NOP14: variants seen among roughly 807,000 people sequenced by gnomAD.
The protein encoded by NOP14 is NOP14 nucleolar protein.
In NOP14, 57 loss-of-function variants were observed where a neutral mutation model predicts 101.6. That is an observed-to-expected ratio of 0.56 (90% confidence interval 0.45 to 0.70). The LOEUF is 0.70. Ranked by LOEUF, NOP14 falls within the 30% of genes least tolerant of loss-of-function variation. NOP14 has a pLI of 0.00. For missense variants in NOP14, 1,134 were observed against 1,075.5 expected (o/e 1.05, Z -0.76); for synonymous variants, 428 against 424.0 (o/e 1.01, Z -0.12).
chr4:2,939,044 C>A, intron 17 of NOP14, 114 bp from the exon 18 acceptor site: 1 of 1,484,388 alleles, frequency 6.7e-7, no homozygotes. Flanking sequence ...TCAGTTCAAA[C>A]AGGGGGAAGT....
chr4:2,955,070 C>T lies in NOP14; in HGVS notation c.473-507G>A, dbSNP rs572787173. On this transcript the variant is annotated intron_variant, in intron 3 of 17. Coordinates refer to ENST00000416614, the MANE Select transcript of NOP14 (RefSeq NM_001291978.2). Reference sequence around the variant, plus strand: ...CCCTCTAGTCACCTGCACGCCACGGCGCTCCCTCTAGTCACCTGCGCCACG... The same window carrying T: ...CCCTCTAGTCACCTGCACGCCACGGTGCTCCCTCTAGTCACCTGCGCCACG... 1.8e-4 allele frequency among the ~76,000 whole-genome samples: 26 copies of T among 145,604 alleles called. No homozygotes were observed. The South Asian group carries it at 2.5e-3, about 14-fold the overall frequency.
rs762380013 is a variant in NOP14 at position 2,946,453 on chromosome 4, T to C, written c.1594A>G (p.Ile532Val). The change falls in exon 11 of 18, where the codon ATT becomes GTT. Residue 532 changes from isoleucine (I) to valine (V), a missense_variant. Physicochemically the swap from Ile to Val is conservative, Grantham distance 29 (BLOSUM62 3). Transcript: ENST00000416614. ...AATGCCGCCCGGCCTTTGGTCTCAATCATTTCTTCCATCTCATGCATCGCA... is the reference window on the plus strand; with the variant it reads ...AATGCCGCCCGGCCTTTGGTCTCAACCATTTCTTCCATCTCATGCATCGCA... ...RDAMHEMEEMIETKGRAALPG... is the reference protein window; with the variant it reads ...RDAMHEMEEMVETKGRAALPG... 12 of 1,614,150 alleles carry C rather than the reference T, an allele frequency of 7.4e-6. No individual in the cohort carries two copies. In the South Asian group the frequency reaches 1.3e-4, roughly 18 times the overall value.
At chr4:2,957,159 G>A (rs1382584709) in intron 2 of NOP14, among the ~76,000 whole-genome samples, 2 of 152,104 alleles carry the variant, frequency 1.3e-5, no homozygotes, top group African/African-American at 2.4e-5. Flanking sequence ...GCGCCACCAC[G>A]CCTGGCTAAT....
intron 8 of NOP14, among the ~76,000 whole-genome samples, chr4:2,949,272 C>T (rs1324426626): frequency 6.6e-6 from 1 of 152,072 alleles, no homozygotes; most frequent in Non-Finnish European, 1.5e-5. Context: ...GGTGTAATCT[C>T]GGCTCACTGC....
At chr4:2,955,960 G>A (rs1359485752) in intron 3 of NOP14, among the ~76,000 whole-genome samples, 1 of 152,220 alleles carries the variant, frequency 6.6e-6, no homozygotes, top group East Asian at 1.9e-4. Flanking sequence ...AAAGCTTTGA[G>A]AGTCAGTTTT....
intron 12 of NOP14, 23 bp downstream of exon 12, chr4:2,945,105 T>C (rs1453984394): frequency 1.3e-6 from 2 of 1,540,480 alleles, no homozygotes; most frequent in Admixed American, 1.9e-5. Context: ...GGCCGACCCC[T>C]GCCGCATGTG....
In NOP14 at chr4:2,946,243, T is replaced by TCGCTGCCGTG. The variant is rs1193882977; in HGVS notation, c.1635+168_1635+169insCACGGCAGCG. ...CGTGCACTCTCACTCCAGATCACCC[T>TCGCTGCCGTG]CACTGCCGTGCACTCTCACTCCAGA... On this transcript the variant is annotated intron_variant, in intron 11 of 17. Coordinates refer to ENST00000416614, the MANE Select transcript of NOP14 (RefSeq NM_001291978.2). 1.3e-3 allele frequency among the ~76,000 whole-genome samples: 192 copies of TCGCTGCCGTG among 147,584 alleles called. 9 individuals carry two copies. Among genetic ancestry groups the TCGCTGCCGTG allele is most frequent in the African/African-American group, 4.6e-3 (181 of 39,260 alleles).
intron 6 of NOP14, 106 bp from the exon 7 acceptor site, chr4:2,951,351 G>T: frequency 2.1e-6 from 2 of 955,362 alleles, no homozygotes; most frequent in Non-Finnish European, 1.6e-6. Flanking sequence ...GGTCCTCCCA[G>T]CTCTGAGGCT....
intron 11 of NOP14, 140 bp downstream of exon 11, chr4:2,946,272 C>T (rs953290947): frequency 5.6e-6 from 5 of 897,122 alleles, no homozygotes; most frequent in Non-Finnish European, 8.6e-6. Context: ...CTCCAGATCA[C>T]CCTCGCTGCC....
At chr4:2,942,825 T>G (rs1015447460) in intron 13 of NOP14, among the ~76,000 whole-genome samples, 19 of 140,794 alleles carry the variant, frequency 1.3e-4, no homozygotes, top group Non-Finnish European at 2.0e-4. Flanking sequence ...GGGGCAGACG[T>G]CAGCAAAGGC....
At chr4:2,961,332 CTTATT>C (rs1033125439) in intron 1 of NOP14, 2 of 6,250 alleles carry the variant, frequency 3.2e-4, no homozygotes, top group South Asian at 8.1e-3. Context: ...ATTAATATAA[CTTATT>C]TTATAAATTA....
chr4:2,945,779 C>T (rs1714575322), intron 11 of NOP14, among the ~76,000 whole-genome samples: 1 of 152,242 alleles, frequency 6.6e-6, no homozygotes, highest in Admixed American at 6.5e-5. Flanking sequence ...TTCTATTTGC[C>T]TTCCAATGTT....
Position 2,954,415 on chromosome 4 carries a change from C to T in NOP14, c.612+9G>A. 1 of 1,613,814 alleles carries T rather than the reference C, an allele frequency of 6.2e-7. No individual in the cohort carries two copies. The highest frequency in any genetic ancestry group is 1.1e-5 in the South Asian group (1 of 91,034). On this transcript the variant is annotated intron_variant, in intron 4 of 17. Transcript: ENST00000416614. ...TGGAGAAGATGATCAAGAACACTCA[C>T]TAACCCACCTTCTCTTGTTTTGACT...
At chr4:2,961,131 A>C (rs1395276341) in intron 1 of NOP14, among the ~76,000 whole-genome samples, 2 of 75,066 alleles carry the variant, frequency 2.7e-5, no homozygotes, top group Non-Finnish European at 4.8e-5. Context: ...TATTATAATA[A>C]TATATTAATA....
chr4:2,952,792 A>C (rs1157264967), intron 5 of NOP14, among the ~76,000 whole-genome samples: 1 of 152,170 alleles, frequency 6.6e-6, no homozygotes, highest in East Asian at 1.9e-4. Context: ...AAAATACAAA[A>C]ATTAGTCAAG....
At chr4:2,960,537 G>C (rs534693029) in intron 1 of NOP14, among the ~76,000 whole-genome samples, 1 of 151,182 alleles carries the variant, frequency 6.6e-6, no homozygotes, top group African/African-American at 2.4e-5. Context: ...TGGAATTTAC[G>C]GCATAAAATG....
At chr4:2,954,371 T>C in intron 4 of NOP14, 53 bp downstream of exon 4, 1 of 1,587,106 alleles carries the variant, frequency 6.3e-7, no homozygotes, top group Non-Finnish European at 8.6e-7. Context: ...AAACACATTT[T>C]GGTGAGCCTG....
intron 1 of NOP14, among the ~76,000 whole-genome samples, chr4:2,958,911 G>T (rs181072892): frequency 2.6e-3 from 398 of 152,338 alleles, no homozygotes; most frequent in Non-Finnish European, 4.3e-3. Flanking sequence ...GGGTTAAGAA[G>T]CAGCTGGGCA....
At chr4:2,947,447 T>C in intron 10 of NOP14, 79 bp downstream of exon 10, 2 of 990,530 alleles carry the variant, frequency 2.0e-6, no homozygotes, top group East Asian at 4.8e-5. Context: ...AACTCTGGAA[T>C]GTATTTTTAT....
Sources: allele counts gnomAD v4.1 joint callset (sites outside exome capture counted in the v4.1 genomes callset), GRCh38; gene constraint gnomAD v4.1.1; transcripts MANE v1.5; gene names NCBI Gene and HGNC (gene_info 2026-07-23, HGNC 2026-07-21).